The following SNTG1 variants were observed in gnomAD, a reference collection of about 807,000 sequenced individuals.
SNTG1 encodes the protein syntrophin gamma 1, also known as gamma-1-syntrophin.
Under a neutral mutation model 74.7 loss-of-function variants are expected in SNTG1, and 39 were observed. The ratio of observed to expected loss-of-function variants is 0.52; its 90% CI spans 0.40 to 0.68. SNTG1 has a LOEUF of 0.68. Among genes scored for constraint, SNTG1 ranks in the 30% least tolerant of loss-of-function variants. The probability of loss-of-function intolerance (pLI) is 0.00; values close to 1 mark genes in which losing one functional copy is unlikely to be tolerated. For synonymous variants in SNTG1, 254 were observed against 217.1 expected (o/e 1.17, Z -1.49); for missense variants, 685 against 609.5 (o/e 1.12, Z -1.30).
At chr8:50,646,832 A>G (rs2095112341) in intron 13 of SNTG1, among the ~76,000 whole-genome samples, 1 of 152,198 alleles carries the variant, frequency 6.6e-6, no homozygotes. Flanking sequence ...ATAAAGTGAC[A>G]GTAATCAAGG....
intron 11 of SNTG1, among the ~76,000 whole-genome samples, chr8:50,545,435 G>A (rs1264813089): frequency 6.7e-6 from 1 of 149,456 alleles, no homozygotes; most frequent in East Asian, 2.0e-4. Context: ...TATGCAAAAT[G>A]AGCATATAAA....
intron 2 of SNTG1, among the ~76,000 whole-genome samples, chr8:50,308,337 T>C (rs959028038): frequency 6.6e-6 from 1 of 152,062 alleles, no homozygotes; most frequent in African/African-American, 2.4e-5. Flanking sequence ...CGTGAGAGGC[T>C]TCTCTGCTTC....
chr8:50,057,973 A>T (rs2130917939), intron 1 of SNTG1, among the ~76,000 whole-genome samples: 1 of 152,274 alleles, frequency 6.6e-6, no homozygotes, highest in African/African-American at 2.4e-5. Context: ...GTAATTTGAT[A>T]AAGCATTTAC....
At chr8:50,000,633 A>G (rs979206199) in intron 1 of SNTG1, among the ~76,000 whole-genome samples, 5 of 152,226 alleles carry the variant, frequency 3.3e-5, no homozygotes, top group African/African-American at 1.2e-4. Flanking sequence ...CATAAGCAAT[A>G]TAAAATAGTC....
chr8:50,524,815 G>A (rs894396733), intron 9 of SNTG1, among the ~76,000 whole-genome samples: 58 of 152,136 alleles, frequency 3.8e-4, no homozygotes, highest in African/African-American at 1.4e-3. Flanking sequence ...TGTGAATTTT[G>A]GTATGTGAAG....
chr8:50,100,811 C>A (rs2080093833), intron 1 of SNTG1, among the ~76,000 whole-genome samples: 1 of 151,810 alleles, frequency 6.6e-6, no homozygotes, highest in South Asian at 2.1e-4. Context: ...GTTCAGGGAT[C>A]CATGTGCAGG....
chr8:50,763,257 G>A (rs979578917), intron 18 of SNTG1, among the ~76,000 whole-genome samples: 4 of 151,882 alleles, frequency 2.6e-5, no homozygotes, highest in Non-Finnish European at 4.4e-5. Flanking sequence ...CCAGGATGGG[G>A]TAGAAACTTC....
chr8:50,479,554 A>G (rs1475757450), intron 8 of SNTG1, among the ~76,000 whole-genome samples: 1 of 152,038 alleles, frequency 6.6e-6, no homozygotes, highest in Non-Finnish European at 1.5e-5. Context: ...TTGATGCCTC[A>G]TTTAGCTCCT....
chr8:50,510,541 G>T (rs1358507283), intron 9 of SNTG1, among the ~76,000 whole-genome samples: 1 of 152,130 alleles, frequency 6.6e-6, no homozygotes, highest in Non-Finnish European at 1.5e-5. Flanking sequence ...AATCCATCTG[G>T]TCCTGGACTT....
chr8:50,258,802 A>G (rs1180805491), intron 2 of SNTG1, among the ~76,000 whole-genome samples: 1 of 152,148 alleles, frequency 6.6e-6, no homozygotes, highest in Non-Finnish European at 1.5e-5. Context: ...ATGCCATTAA[A>G]TACATAAACT....
chr8:50,713,546 C>G (rs1295260552), intron 17 of SNTG1, among the ~76,000 whole-genome samples: 1 of 152,086 alleles, frequency 6.6e-6, no homozygotes, highest in Admixed American at 6.6e-5. Context: ...GTTGTAATTG[C>G]TTTTGGTGTT....
At chr8:50,161,930 C>A (rs566994724) in intron 1 of SNTG1, among the ~76,000 whole-genome samples, 70 of 152,176 alleles carry the variant, frequency 4.6e-4, no homozygotes, top group Non-Finnish European at 8.5e-4. Flanking sequence ...GACAAGCATT[C>A]AAAATCCTTC....
At chr8:50,737,271 C>CTT (rs1287080392) in intron 17 of SNTG1, among the ~76,000 whole-genome samples, 16 of 152,080 alleles carry the variant, frequency 1.1e-4, no homozygotes, top group African/African-American at 3.9e-4. Flanking sequence ...CCAGAGAATA[C>CTT]TATAAACAGC....
intron 18 of SNTG1, among the ~76,000 whole-genome samples, chr8:50,773,570 A>C (rs935439420): frequency 1.3e-5 from 2 of 152,138 alleles, no homozygotes; most frequent in African/African-American, 4.8e-5. Context: ...AGACAGAAAT[A>C]GTCTGTTTCC....
At chr8:50,352,931 T>G (rs551618822) in intron 2 of SNTG1, among the ~76,000 whole-genome samples, 1 of 152,262 alleles carries the variant, frequency 6.6e-6, no homozygotes, top group Admixed American at 6.5e-5. Flanking sequence ...TTATAAATCA[T>G]GCTGCTATAG....
intron 1 of SNTG1, among the ~76,000 whole-genome samples, chr8:50,115,587 A>AC (rs2080791208): frequency 6.8e-6 from 1 of 147,974 alleles, no homozygotes; most frequent in Non-Finnish European, 1.5e-5. Context: ...AAAAAAAAAA[A>AC]CGAGATGGTT....
chr8:50,712,341 A>G (rs1029474337), intron 17 of SNTG1, among the ~76,000 whole-genome samples: 2 of 152,204 alleles, frequency 1.3e-5, no homozygotes, highest in Non-Finnish European at 2.9e-5. Context: ...CTAAGAACAG[A>G]GGAATACCTT....
chr8:50,701,698 CTCTTCCTCTTCA>C (rs1690063614), intron 15 of SNTG1, among the ~76,000 whole-genome samples: 2 of 143,368 alleles, frequency 1.4e-5, no homozygotes, highest in Non-Finnish European at 3.0e-5. Context: ...CTTTGCCTTC[CTCTTCCTCTTCA>C]TCTTCCTCTT....
At chr8:50,554,477 CTT>C (rs11435822) in intron 12 of SNTG1, among the ~76,000 whole-genome samples, 7 of 141,170 alleles carry the variant, frequency 5.0e-5, no homozygotes, top group Non-Finnish European at 7.8e-5. Flanking sequence ...ACAGATTTTC[CTT>C]TTTTTTTTTT....
Sources: allele counts gnomAD v4.1 joint callset (sites outside exome capture counted in the v4.1 genomes callset), GRCh38; gene constraint gnomAD v4.1.1; transcripts MANE v1.5; gene names NCBI Gene and HGNC (gene_info 2026-07-23, HGNC 2026-07-21).